DNAH11: variants seen among roughly 807,000 people sequenced by gnomAD.
DNAH11 encodes dynein axonemal heavy chain 11.
A neutral mutation model predicts 526.0 loss-of-function variants in DNAH11; 442 were observed. The observed-to-expected ratio is 0.84, with a 90% CI of 0.78 to 0.91. The LOEUF (loss-of-function observed/expected upper bound fraction) is 0.91. Ranked by LOEUF, DNAH11 falls within the 40% of genes least tolerant of loss-of-function variation. The pLI, the probability that DNAH11 is intolerant of heterozygous loss-of-function variation, is 0.00. For synonymous variants in DNAH11, 2,461 were observed against 1,935.9 expected (o/e 1.27, Z -7.12); for missense variants, 6,989 against 5,448.7 (o/e 1.28, Z -8.90).
chr7:21,895,070 C>A, intron 79 of DNAH11, 71 bp downstream of exon 79: 1 of 1,270,842 alleles, frequency 7.9e-7, no homozygotes, highest in Non-Finnish European at 1.1e-6. Flanking sequence ...CTGAATAATG[C>A]TTCCTAAGAA....
intron 44 of DNAH11, among the ~76,000 whole-genome samples, chr7:21,723,515 A>G (rs979473989): frequency 1.3e-5 from 2 of 152,128 alleles, no homozygotes; most frequent in Admixed American, 6.5e-5. Context: ...TGGGCTTTCT[A>G]TTTCTGCATT....
intron 54 of DNAH11, among the ~76,000 whole-genome samples, chr7:21,760,917 C>T (rs1437829246): frequency 1.3e-5 from 2 of 152,106 alleles, no homozygotes; most frequent in African/African-American, 4.8e-5. Flanking sequence ...AAATTATAGA[C>T]AATATAACAC....
chr7:21,616,166 C>T (rs1489664809), intron 21 of DNAH11, 43 bp from the exon 22 acceptor site: 1 of 1,490,324 alleles, frequency 6.7e-7, no homozygotes, highest in Admixed American at 1.7e-5. Flanking sequence ...GACTTGCTTT[C>T]ACCAAATGTT....
chr7:21,704,602 C>T lies in DNAH11; in HGVS notation c.6442C>T (p.Gln2148Ter). The change falls in exon 38 of 82, where the codon CAG becomes TAG. Residue 2148 changes from glutamine (Q) to a stop codon, truncating the protein, a stop_gained. Transcript: ENST00000409508. LOFTEE classifies it high-confidence loss of function. ...VRQSTLELRL[Q>*]PEESFILKVV... ...GCAGTCTACCCTGGAGCTCCGCCTG[C>T]AGCCTGAAGAGAGCTTCATCCTCAA... 1 of 1,606,272 alleles carries T rather than the reference C, an allele frequency of 6.2e-7. No individual in the cohort carries two copies. The highest frequency in any genetic ancestry group is 8.5e-7 in the Non-Finnish European group (1 of 1,177,850).
At chr7:21,815,927 G>C (rs1468143614) in intron 63 of DNAH11, among the ~76,000 whole-genome samples, 1 of 151,818 alleles carries the variant, frequency 6.6e-6, no homozygotes, top group Non-Finnish European at 1.5e-5. Context: ...TTTCCTCTCA[G>C]CCTAGAAGTG....
intron 28 of DNAH11, among the ~76,000 whole-genome samples, chr7:21,654,363 C>G (rs1781919955): frequency 6.6e-6 from 1 of 151,956 alleles, no homozygotes; most frequent in African/African-American, 2.4e-5. Flanking sequence ...TGACTAGTTT[C>G]TTTCATTTAG....
At chr7:21,576,185 C>T (rs1784088635) in intron 8 of DNAH11, among the ~76,000 whole-genome samples, 1 of 152,108 alleles carries the variant, frequency 6.6e-6, no homozygotes. Flanking sequence ...CTTGAGGAGA[C>T]CAAACAGCTG....
intron 44 of DNAH11, among the ~76,000 whole-genome samples, chr7:21,721,287 G>A (rs1718821069): frequency 6.6e-6 from 1 of 152,154 alleles, no homozygotes; most frequent in South Asian, 2.1e-4. Context: ...CACTCTTCCT[G>A]ATTTCTGTGT....
intron 37 of DNAH11, 108 bp downstream of exon 37, chr7:21,702,910 C>A: frequency 1.0e-6 from 1 of 960,260 alleles, no homozygotes; most frequent in Non-Finnish European, 1.6e-6. Context: ...TTTTAAAAAG[C>A]ATAACATCTG....
intron 65 of DNAH11, among the ~76,000 whole-genome samples, chr7:21,829,286 C>T (rs1254871187): frequency 6.7e-6 from 1 of 150,018 alleles, no homozygotes; most frequent in East Asian, 2.0e-4. Context: ...AAAGCAGCTA[C>T]TATCTCTTTA....
intron 18 of DNAH11, among the ~76,000 whole-genome samples, chr7:21,604,288 G>A (rs977099649): frequency 4.6e-5 from 7 of 152,054 alleles, no homozygotes; most frequent in African/African-American, 1.4e-4. Context: ...TCTTTTCACT[G>A]CTGTTAACAC....
At chr7:21,804,079 TTTTTTTTG>T (rs1160668919) in intron 62 of DNAH11, among the ~76,000 whole-genome samples, 1 of 112,404 alleles carries the variant, frequency 8.9e-6, no homozygotes, top group Non-Finnish European at 1.9e-5. Context: ...CTTGTAGTAG[TTTTTTTTG>T]TTTTGTTTTG....
At chr7:21,841,779 T>C (rs1028599868) in intron 65 of DNAH11, among the ~76,000 whole-genome samples, 2 of 152,186 alleles carry the variant, frequency 1.3e-5, no homozygotes, top group Non-Finnish European at 2.9e-5. Context: ...TAAAAATTTG[T>C]AAATTAGACG....
chr7:21,651,044 C>G (rs1326440944), intron 28 of DNAH11, among the ~76,000 whole-genome samples: 1 of 151,676 alleles, frequency 6.6e-6, no homozygotes, highest in Non-Finnish European at 1.5e-5. Flanking sequence ...CTCACTTTAT[C>G]TCATTCTAGA....
chr7:21,815,905 A>C (rs1394834922), intron 63 of DNAH11, among the ~76,000 whole-genome samples: 2 of 152,064 alleles, frequency 1.3e-5, no homozygotes, highest in Admixed American at 1.3e-4. Flanking sequence ...AACGCAATCA[A>C]GGCATAGATA....
chr7:21,720,883 C>G (rs747236485), intron 44 of DNAH11, 27 bp downstream of exon 44: 1 of 1,603,830 alleles, frequency 6.2e-7, no homozygotes, highest in East Asian at 2.2e-5. Context: ...TTTACAGGAC[C>G]AGTTTCCAGT....
chr7:21,573,519 T>A (rs1206502502), intron 8 of DNAH11, among the ~76,000 whole-genome samples: 1 of 152,176 alleles, frequency 6.6e-6, no homozygotes, highest in Non-Finnish European at 1.5e-5. Context: ...TTTAAAAAAA[T>A]GTGTTTTGCC....
intron 55 of DNAH11, among the ~76,000 whole-genome samples, chr7:21,767,447 G>A (rs551656075): frequency 3.7e-4 from 56 of 152,226 alleles, no homozygotes; most frequent in African/African-American, 1.3e-3. Context: ...TTGATATGCC[G>A]TTGACCGTTG....
intron 28 of DNAH11, among the ~76,000 whole-genome samples, chr7:21,651,815 A>G (rs938831637): frequency 6.6e-6 from 1 of 152,208 alleles, no homozygotes; most frequent in Admixed American, 6.5e-5. Flanking sequence ...CACATAGTTG[A>G]TTACTAACTC....
Sources: allele counts gnomAD v4.1 joint callset (sites outside exome capture counted in the v4.1 genomes callset), GRCh38; gene constraint gnomAD v4.1.1; transcripts MANE v1.5; gene names NCBI Gene and HGNC (gene_info 2026-07-23, HGNC 2026-07-21).